The following JMJD1C variants were observed in gnomAD, a reference collection of about 807,000 sequenced individuals.
The protein encoded by JMJD1C is jumonji domain containing 1C, also known as jumonji domain-containing protein 1C.
A neutral mutation model predicts 245.3 loss-of-function variants in JMJD1C; 31 were observed. That is an observed-to-expected ratio of 0.13 (90% confidence interval 0.09 to 0.17). JMJD1C has a LOEUF of 0.17. Among genes scored for constraint, JMJD1C ranks in the 10% least tolerant of loss-of-function variants. JMJD1C has a pLI of 1.00. For synonymous variants in JMJD1C, 1,057 were observed against 1,017.4 expected, an observed-to-expected ratio of 1.04 and a Z score of -0.74; for missense variants, 2,691 against 3,000.2, an observed-to-expected ratio of 0.90 and a Z score of 2.41.
intron 1 of JMJD1C, among the ~76,000 whole-genome samples, chr10:63,488,051 G>A (rs1473884954): frequency 5.3e-5 from 8 of 152,240 alleles, no homozygotes; most frequent in East Asian, 3.9e-4. Flanking sequence ...CCCAGAATGA[G>A]TGAATCTCCA....
chr10:63,515,447 G>T (rs1954988085), intron 1 of JMJD1C, among the ~76,000 whole-genome samples: 1 of 152,194 alleles, frequency 6.6e-6, no homozygotes, highest in African/African-American at 2.4e-5. Context: ...AACTACGGGG[G>T]CTTCCTTAGG....
chr10:63,297,723 G>A (rs1218723384), intron 2 of JMJD1C, among the ~76,000 whole-genome samples: 1 of 152,158 alleles, frequency 6.6e-6, no homozygotes, highest in Non-Finnish European at 1.5e-5. Context: ...ATGGGAAAAA[G>A]CAACAGGGCC....
chr10:63,374,712 G>A (rs1344666779), intron 2 of JMJD1C, among the ~76,000 whole-genome samples: 1 of 152,054 alleles, frequency 6.6e-6, no homozygotes, highest in Non-Finnish European at 1.5e-5. Flanking sequence ...AAGGAAATGG[G>A]TCATTATAAG....
Position 63,367,184 on chromosome 10 carries a change from T to C in JMJD1C, c.333+13134A>G, listed in dbSNP as rs541092116. ...ACCAATGAGCCCCTGCTGGTCTCCT[T>C]CCATTAAAGAGCCCTAAACAAATCT... On this transcript the variant is annotated intron_variant, in intron 2 of 25. Transcript: ENST00000399262. 1.0e-3 allele frequency among the ~76,000 whole-genome samples: 158 copies of C among 152,264 alleles called. 1 individual carries two copies. Among genetic ancestry groups the C allele is most frequent in the African/African-American group, 3.7e-3 (153 of 41,558 alleles).
chr10:63,398,674 C>CA (rs1316873639), intron 1 of JMJD1C, among the ~76,000 whole-genome samples: 2 of 150,630 alleles, frequency 1.3e-5, no homozygotes. Context: ...GACAGACTCT[C>CA]ACTCTGTCAC....
At chr10:63,359,204 C>T (rs925785553) in intron 2 of JMJD1C, 1 of 152,236 alleles carries the variant, frequency 6.6e-6, no homozygotes, top group African/African-American at 2.4e-5. Context: ...TAATTTCTCA[C>T]TATTACCTAG....
intron 3 of JMJD1C, among the ~76,000 whole-genome samples, chr10:63,260,471 A>T (rs1854557930): frequency 6.6e-6 from 1 of 152,210 alleles, no homozygotes; most frequent in Non-Finnish European, 1.5e-5. Context: ...CATTATCAAA[A>T]TTTTTATGTG....
intron 1 of JMJD1C, among the ~76,000 whole-genome samples, chr10:63,501,378 T>TAA (rs1954554727): frequency 6.6e-6 from 1 of 151,638 alleles, no homozygotes; most frequent in Non-Finnish European, 1.5e-5. Flanking sequence ...ATTTCACAGT[T>TAA]AAAAACTTCA....
At chr10:63,459,880 GT>G (rs1371322876) in intron 1 of JMJD1C, among the ~76,000 whole-genome samples, 1 of 152,196 alleles carries the variant, frequency 6.6e-6, no homozygotes, top group Non-Finnish European at 1.5e-5. Flanking sequence ...ACAGTAGTAT[GT>G]AGGATTCAGA....
At chr10:63,231,259 TAAATA>T (rs1054494326) in intron 3 of JMJD1C, among the ~76,000 whole-genome samples, 1 of 152,202 alleles carries the variant, frequency 6.6e-6, no homozygotes, top group African/African-American at 2.4e-5. Flanking sequence ...TTTGATTTTC[TAAATA>T]AGATGGGAAA....
In JMJD1C at chr10:63,214,221, ATT is replaced by A; in HGVS notation, c.1944_1945del (p.Lys648AsnfsTer6). On this transcript the variant is annotated frameshift_variant, in exon 8 of 26. Coordinates refer to ENST00000399262, the MANE Select transcript of JMJD1C (RefSeq NM_032776.3). LOFTEE classifies it high-confidence loss of function. ...CTTTACAGAATCAGGAGAATGAGTT[ATT>A]TTGGGTTTAACAACTTCAGGTGATG... 2 of 1,613,944 alleles carry A rather than the reference ATT, an allele frequency of 1.2e-6. No individual in the cohort carries two copies. The highest frequency in any genetic ancestry group is 1.7e-6 in the Non-Finnish European group (2 of 1,179,962).
chr10:63,477,916 A>C (rs1481579124), intron 1 of JMJD1C, among the ~76,000 whole-genome samples: 1 of 152,222 alleles, frequency 6.6e-6, no homozygotes, highest in Non-Finnish European at 1.5e-5. Flanking sequence ...ATTGGGCAAA[A>C]TATTTCAACA....
chr10:63,168,685 A>G, intron 24 of JMJD1C, 119 bp from the exon 25 acceptor site: 1 of 862,466 alleles, frequency 1.2e-6, no homozygotes, highest in Non-Finnish European at 1.6e-6. Context: ...ACTTTCTCCA[A>G]AACATCAAAT....
intron 1 of JMJD1C, chr10:63,465,276 C>T (rs925671405): frequency 6.2e-5 from 34 of 546,228 alleles, no homozygotes; most frequent in Non-Finnish European, 8.6e-5. Context: ...GCGGCTATCC[C>T]GGGAGTCCTG....
intron 1 of JMJD1C, among the ~76,000 whole-genome samples, chr10:63,389,516 A>T (rs1947888161): frequency 6.6e-6 from 1 of 150,796 alleles, no homozygotes; most frequent in Non-Finnish European, 1.5e-5. Flanking sequence ...GCAAAGAAAC[A>T]TTAGATTTAA....
At chr10:63,311,863 G>A (rs1235363552) in intron 2 of JMJD1C, among the ~76,000 whole-genome samples, 1 of 150,048 alleles carries the variant, frequency 6.7e-6, no homozygotes, top group East Asian at 1.9e-4. Context: ...TAGGCAAAAT[G>A]TTAAGATGAC....
At chr10:63,266,530 C>A (rs762907082) in intron 2 of JMJD1C, among the ~76,000 whole-genome samples, 14 of 152,094 alleles carry the variant, frequency 9.2e-5, no homozygotes, top group Non-Finnish European at 2.1e-4. Context: ...CAGGGATATT[C>A]GGCTGATCCC....
At chr10:63,411,599 T>A (rs1589696474) in intron 1 of JMJD1C, among the ~76,000 whole-genome samples, 1 of 117,346 alleles carries the variant, frequency 8.5e-6, no homozygotes. Context: ...ACACTCGGCC[T>A]GATTTTTTTT....
At chr10:63,499,808 T>C (rs1014044744) in intron 1 of JMJD1C, among the ~76,000 whole-genome samples, 4 of 152,228 alleles carry the variant, frequency 2.6e-5, no homozygotes, top group African/African-American at 9.6e-5. Context: ...TTTATAAACA[T>C]ACACAATATC....
Sources: allele counts gnomAD v4.1 joint callset (sites outside exome capture counted in the v4.1 genomes callset), GRCh38; gene constraint gnomAD v4.1.1; transcripts MANE v1.5; gene names NCBI Gene and HGNC (gene_info 2026-07-23, HGNC 2026-07-21).